The following TTC34 variants were observed in gnomAD, a reference collection of about 807,000 sequenced individuals.
The protein encoded by TTC34 is tetratricopeptide repeat domain 34, also known as tetratricopeptide repeat protein 34.
In TTC34, 44 loss-of-function variants were observed where a neutral mutation model predicts 40.7. The observed-to-expected ratio is 1.08, with a 90% CI of 0.85 to 1.39. The LOEUF (loss-of-function observed/expected upper bound fraction) is 1.39, where lower values mean the gene tolerates loss of function less well. TTC34 is among the 40% of genes most tolerant of loss of function. The pLI is 0.00. For synonymous variants in TTC34, 422 were observed against 398.6 expected, an observed-to-expected ratio of 1.06 and a Z score of -0.70; for missense variants, 884 against 838.0, an observed-to-expected ratio of 1.05 and a Z score of -0.68.
rs1477799496 is a variant in TTC34, at chr1:2,748,763, C to T, written c.2226+34846G>A. Among the ~76,000 whole-genome samples the T allele has an allele frequency of 8.9e-5, 10 of 112,772 alleles. 3 individuals carry two copies. Among genetic ancestry groups the T allele is most frequent in the Non-Finnish European group, 1.9e-4 (10 of 53,680 alleles). The allele number at this position is 112,772 out of a possible 152,430, so 74.0% of individuals were successfully genotyped here. On this transcript the variant is annotated intron_variant, in intron 6 of 8. Transcript: ENST00000401095. ...ACAGACTGGAACAGCACCCACACCC[C>T]TAGGAGAGCATCCGGCAGCCTGGAG... is the stretch of plus-strand genomic sequence containing the variant.
At chr1:2,795,550 C>T (rs139019000) in intron 2 of TTC34, among the ~76,000 whole-genome samples, 2 of 152,174 alleles carry the variant, frequency 1.3e-5, no homozygotes, top group African/African-American at 2.4e-5. Flanking sequence ...GAGGCTTGGG[C>T]TCCTGAAGCA....
At position 2,684,910 on chromosome 1, in the gene TTC34, C is replaced by A. The variant is rs1288469727; in HGVS notation, c.2227-39347G>T. Among the ~76,000 whole-genome samples, 68 of 112,020 alleles carry A rather than the reference C, an allele frequency of 6.1e-4. 1 individual carries two copies. Among genetic ancestry groups the A allele is most frequent in the Non-Finnish European group, 5.9e-4 (34 of 57,400 alleles). 73.5% of individuals were successfully genotyped at this position (112,020 alleles called of 152,430 possible). A position where few individuals can be genotyped will look rare whatever the true frequency, so the allele number is the denominator to read the frequency against. The stretch of plus-strand genomic sequence containing the variant: ...GAGCATCTGACAGCCTGGAACAGCA[C>A]CCTGCACACCCAGGTGAGCATCCGA... On this transcript the variant is annotated intron_variant, in intron 6 of 8. Coordinates refer to ENST00000401095, the Ensembl canonical transcript of TTC34.
chr1:2,680,536 C>G (rs1640027281), intron 6 of TTC34, among the ~76,000 whole-genome samples: 5 of 142,390 alleles, frequency 3.5e-5, no homozygotes, highest in African/African-American at 9.9e-5. Flanking sequence ...GGTCGGCACC[C>G]ACACCCCCAG....
intron 6 of TTC34, among the ~76,000 whole-genome samples, chr1:2,647,616 A>G (rs942936024): frequency 6.6e-6 from 1 of 152,172 alleles, no homozygotes; most frequent in East Asian, 1.9e-4. Context: ...CCTAGGTGAC[A>G]GAGTGAGACT....
intron 6 of TTC34, among the ~76,000 whole-genome samples, chr1:2,675,169 G>A (rs1570787633): frequency 3.4e-5 from 5 of 147,582 alleles, no homozygotes; most frequent in African/African-American, 1.3e-4. Context: ...ACCCCCAGGG[G>A]AGCATCTGAC....
Position 2,752,078 on chromosome 1 carries a change from C to G in TTC34, c.2226+31531G>C, listed in dbSNP as rs1423357086. Among the ~76,000 whole-genome samples the G allele has an allele frequency of 7.2e-4, 78 of 108,926 alleles. 20 individuals carry two copies. Among genetic ancestry groups the G allele is most frequent in the African/African-American group, 3.2e-3 (75 of 23,332 alleles). 71.5% of individuals were successfully genotyped at this position (108,926 alleles called of 152,430 possible). A position where few individuals can be genotyped will look rare whatever the true frequency, so the allele number is the denominator to read the frequency against. ...CAGGCGAACATCTGAACGCACGGAG[C>G]AGCACCCACACCTTCAGGCGAGCAT... On this transcript the variant is annotated intron_variant, in intron 6 of 8. Transcript: ENST00000401095.
chr1:2,792,006 CTTTTTTTTTTTTTT>C (rs376632144), intron 2 of TTC34, among the ~76,000 whole-genome samples: 4 of 39,562 alleles, frequency 1.0e-4, no homozygotes, highest in Non-Finnish European at 1.6e-4. Flanking sequence ...TTGCCATATG[CTTTTTTTTTTTTTT>C]TTTTTTTTTT....
chr1:2,656,371 C>A (rs1557589957), intron 6 of TTC34, among the ~76,000 whole-genome samples: 1 of 57,980 alleles, frequency 1.7e-5, no homozygotes, highest in Non-Finnish European at 3.5e-5. Flanking sequence ...GAACAGCACC[C>A]ACACCCACAG....
intron 8 of TTC34, among the ~76,000 whole-genome samples, chr1:2,643,108 G>C (rs1283068417): frequency 5.9e-5 from 9 of 152,196 alleles, no homozygotes; most frequent in Admixed American, 5.2e-4. Flanking sequence ...CCGAGCAGCT[G>C]TCGGACCCCG....
At chr1:2,686,972 G>A in intron 6 of TTC34, among the ~76,000 whole-genome samples, 2 of 149,460 alleles carry the variant, frequency 1.3e-5, no homozygotes, top group Non-Finnish European at 3.0e-5. Context: ...ACTGCCAGGC[G>A]AGCATCCGCC....
At chr1:2,775,801 G>C (rs1428218766) in intron 6 of TTC34, among the ~76,000 whole-genome samples, 1 of 146,562 alleles carries the variant, frequency 6.8e-6, no homozygotes, top group African/African-American at 2.7e-5. Flanking sequence ...CTTCAGGTGA[G>C]CATCTGACAG....
chr1:2,673,439 C>G (rs1284368137), intron 6 of TTC34, among the ~76,000 whole-genome samples: 1 of 81,074 alleles, frequency 1.2e-5, no homozygotes, highest in Non-Finnish European at 3.0e-5. Flanking sequence ...CTGACACCCA[C>G]AGGTGAGCAT....
At position 2,694,666 on chromosome 1, in the gene TTC34, C is replaced by T. The variant is rs543897792; in HGVS notation, c.2227-49103G>A. On this transcript the variant is annotated intron_variant, in intron 6 of 8. Transcript: ENST00000401095. ...GCATCTGACGGCCTGGAACAGCACA[C>T]ACACCGCCAGGTGACCATTGGACAC... Among the ~76,000 whole-genome samples, 2 of 83,822 alleles carry T rather than the reference C, an allele frequency of 2.4e-5. 1 individual carries two copies. The highest frequency in any genetic ancestry group is 5.4e-4 in the East Asian group (2 of 3,690). The allele number at this position is 83,822 out of a possible 152,430, so 55.0% of individuals were successfully genotyped here. A position where few individuals can be genotyped will look rare whatever the true frequency, so the allele number is the denominator to read the frequency against.
chr1:2,684,881 A>G (rs1318418765), intron 6 of TTC34, among the ~76,000 whole-genome samples: 2 of 103,906 alleles, frequency 1.9e-5, no homozygotes, highest in Non-Finnish European at 3.6e-5. Context: ...CCCACACCCC[A>G]GGTGAGCATC....
At chr1:2,749,023 C>G (rs1569684674) in intron 6 of TTC34, among the ~76,000 whole-genome samples, 329 of 138,462 alleles carry the variant, frequency 2.4e-3, no homozygotes, top group African/African-American at 9.3e-3. Flanking sequence ...CATCTGACAG[C>G]CTGGAACAGC....
intron 6 of TTC34, among the ~76,000 whole-genome samples, chr1:2,675,692 GAGCATGTGACAGCCTGGAAGAGCACCCA>G (rs1639888627): frequency 3.6e-5 from 1 of 28,098 alleles, no homozygotes; most frequent in African/African-American, 1.2e-4. Context: ...ACCCCCAGGT[GAGCATGTGACAGCCTGGAAGAGCACCCA>G]CACCCCCAGG....
chr1:2,799,229 A>C (rs1343750804), intron 2 of TTC34, among the ~76,000 whole-genome samples: 1 of 152,202 alleles, frequency 6.6e-6, no homozygotes, highest in Non-Finnish European at 1.5e-5. Context: ...TGCACATGGC[A>C]GCCAGAGGAA....
intron 6 of TTC34, among the ~76,000 whole-genome samples, chr1:2,778,526 T>A (rs1643393672): frequency 6.6e-6 from 1 of 152,196 alleles, no homozygotes; most frequent in Non-Finnish European, 1.5e-5. Context: ...GGGATGTCCC[T>A]TTTGTCTTAG....
chr1:2,797,882 C>T (rs975109260), intron 2 of TTC34, among the ~76,000 whole-genome samples: 3 of 152,050 alleles, frequency 2.0e-5, no homozygotes, highest in African/African-American at 7.3e-5. Flanking sequence ...CCTGTCTCTC[C>T]ACCATTAAAT....
Sources: gnomAD v4.1 joint callset for allele counts (sites outside exome capture counted in the v4.1 genomes callset) on GRCh38, gnomAD v4.1.1 for gene constraint, MANE v1.5 for transcripts, NCBI Gene and HGNC (gene_info 2026-07-23, HGNC 2026-07-21) for gene names.